The following RIMS2 variants were observed in gnomAD, a reference collection of about 807,000 sequenced individuals.
RIMS2 encodes regulating synaptic membrane exocytosis protein 2.
RIMS2 carries 59 observed loss-of-function variants against 174.4 expected under a neutral mutation model. The ratio of observed to expected loss-of-function variants is 0.34; its 90% CI spans 0.27 to 0.42. The LOEUF is 0.42. Ranked by LOEUF, RIMS2 falls within the 10% of genes least tolerant of loss-of-function variation. The probability of loss-of-function intolerance (pLI) is 1.00; values close to 1 mark genes in which losing one functional copy is unlikely to be tolerated. For missense variants in RIMS2, 1,620 were observed against 1,666.3 expected, an observed-to-expected ratio of 0.97 and a Z score of 0.48; for synonymous variants, 606 against 572.5, an observed-to-expected ratio of 1.06 and a Z score of -0.84.
chr8:104,121,150 G>A (rs1290867809), intron 19 of RIMS2, among the ~76,000 whole-genome samples: 3 of 151,864 alleles, frequency 2.0e-5, no homozygotes, highest in Non-Finnish European at 4.4e-5. Flanking sequence ...TGGAGGACAT[G>A]GACATTTAAA....
intron 1 of RIMS2, among the ~76,000 whole-genome samples, chr8:103,536,535 G>C (rs1292034701): frequency 1.3e-5 from 2 of 152,188 alleles, no homozygotes; most frequent in Non-Finnish European, 1.5e-5. Flanking sequence ...AGGCTGTACA[G>C]GAAGCATGAT....
At chr8:103,643,559 G>A (rs1321443663) in intron 1 of RIMS2, among the ~76,000 whole-genome samples, 2 of 152,090 alleles carry the variant, frequency 1.3e-5, no homozygotes, top group Admixed American at 1.3e-4. Flanking sequence ...GAGTTAGACT[G>A]TGTTTACTGT....
Position 104,251,600 on chromosome 8 carries a change from A to C in RIMS2, c.3832-2A>C. The C allele has an allele frequency of 6.4e-7, 1 of 1,562,666 alleles. No homozygotes were observed. The highest frequency in any genetic ancestry group is 8.8e-7 in the Non-Finnish European group (1 of 1,133,194). Reference sequence around the variant, plus strand: ...TCACTCTACTTTTTATTTTGCCAACAGATCATCGTCTGGGGAGATTATGGC... The same window carrying C: ...TCACTCTACTTTTTATTTTGCCAACCGATCATCGTCTGGGGAGATTATGGC... On this transcript the variant is annotated splice_acceptor_variant, in intron 23 of 23. Coordinates refer to ENST00000504942, the Ensembl canonical transcript of RIMS2. LOFTEE classifies it high-confidence loss of function.
At chr8:104,087,453 T>G (rs1391753559) in intron 19 of RIMS2, among the ~76,000 whole-genome samples, 1 of 151,990 alleles carries the variant, frequency 6.6e-6, no homozygotes, top group Admixed American at 6.6e-5. Context: ...AATAAAGGCA[T>G]GAGTAAAGTA....
intron 1 of RIMS2, among the ~76,000 whole-genome samples, chr8:103,617,991 A>G (rs1264276030): frequency 1.3e-5 from 2 of 152,214 alleles, no homozygotes; most frequent in South Asian, 2.1e-4. Context: ...TGACCCAGCA[A>G]TCCCATAGGA....
chr8:103,553,502 C>A (rs529563849), intron 1 of RIMS2, among the ~76,000 whole-genome samples: 2 of 151,804 alleles, frequency 1.3e-5, no homozygotes, highest in Non-Finnish European at 1.5e-5. Flanking sequence ...ATGTAAATGA[C>A]GAGTTAATGG....
chr8:103,876,899 T>C (rs1264856299), intron 3 of RIMS2, among the ~76,000 whole-genome samples: 8 of 62,278 alleles, frequency 1.3e-4, no homozygotes, highest in African/African-American at 4.5e-4. Context: ...TATATATATA[T>C]ATATATATAT....
chr8:103,853,430 C>T (rs367799056), intron 3 of RIMS2, among the ~76,000 whole-genome samples: 86 of 152,002 alleles, frequency 5.7e-4, no homozygotes, highest in African/African-American at 1.9e-3. Flanking sequence ...TGCAATTGCT[C>T]TTGGGGATTT....
intron 19 of RIMS2, among the ~76,000 whole-genome samples, chr8:104,112,719 T>C (rs562792960): frequency 1.3e-5 from 2 of 152,292 alleles, no homozygotes; most frequent in South Asian, 4.1e-4. Flanking sequence ...ACTGAAATTT[T>C]AGGTTCATGG....
chr8:104,014,381 C>A (rs1043576166), intron 18 of RIMS2, 125 bp from the exon 21 acceptor site: 8 of 537,800 alleles, frequency 1.5e-5, no homozygotes, highest in African/African-American at 9.4e-5. Flanking sequence ...GTTTTCCTAA[C>A]CTTTTAATCT....
chr8:103,875,772 A>G (rs1032954297), intron 3 of RIMS2, among the ~76,000 whole-genome samples: 17 of 151,748 alleles, frequency 1.1e-4, no homozygotes, highest in Non-Finnish European at 2.1e-4. Context: ...GCCAACATCT[A>G]TTGTTTTCTG....
At chr8:103,829,205 C>G (rs537591985) in intron 3 of RIMS2, among the ~76,000 whole-genome samples, 4 of 151,528 alleles carry the variant, frequency 2.6e-5, no homozygotes, top group Non-Finnish European at 5.9e-5. Flanking sequence ...CCATCTCACA[C>G]CAGTCAGAAT....
At chr8:103,581,791 A>G (rs1258393345) in intron 1 of RIMS2, among the ~76,000 whole-genome samples, 1 of 152,184 alleles carries the variant, frequency 6.6e-6, no homozygotes, top group East Asian at 1.9e-4. Context: ...CCATAAGGAT[A>G]CCTCACCACC....
At chr8:103,966,157 G>A (rs539199795) in intron 15 of RIMS2, among the ~76,000 whole-genome samples, 3 of 152,196 alleles carry the variant, frequency 2.0e-5, no homozygotes, top group African/African-American at 7.2e-5. Context: ...ATGAGTTAGA[G>A]AGTAGTCTCT....
chr8:103,955,968 T>C (rs557066481), intron 14 of RIMS2, among the ~76,000 whole-genome samples: 1 of 151,898 alleles, frequency 6.6e-6, no homozygotes, highest in East Asian at 1.9e-4. Flanking sequence ...CAGACAAACA[T>C]AGAGCCAAAT....
intron 3 of RIMS2, among the ~76,000 whole-genome samples, chr8:103,859,226 C>G (rs148977460): frequency 7.8e-4 from 118 of 152,246 alleles, no homozygotes; most frequent in African/African-American, 2.7e-3. Flanking sequence ...TTACCTTCAG[C>G]TCTTAAACCC....
intron 1 of RIMS2, among the ~76,000 whole-genome samples, chr8:103,657,573 A>G (rs946947828): frequency 6.6e-6 from 1 of 152,244 alleles, no homozygotes; most frequent in Non-Finnish European, 1.5e-5. Flanking sequence ...CCTGTCAACA[A>G]AATTTTTCTG....
At chr8:104,191,794 G>A (rs181075826) in intron 19 of RIMS2, among the ~76,000 whole-genome samples, 4 of 152,046 alleles carry the variant, frequency 2.6e-5, no homozygotes, top group East Asian at 3.9e-4. Flanking sequence ...TTTTTAAGAC[G>A]GGGTCTCACT....
chr8:104,052,884 T>C (rs2154559079), intron 19 of RIMS2, among the ~76,000 whole-genome samples: 1 of 152,074 alleles, frequency 6.6e-6, no homozygotes, highest in East Asian at 1.9e-4. Context: ...TAGCAACACT[T>C]TGGGAAATGC....
Sources: gnomAD v4.1 joint callset for allele counts (sites outside exome capture counted in the v4.1 genomes callset) on GRCh38, gnomAD v4.1.1 for gene constraint, MANE v1.5 for transcripts, NCBI Gene and HGNC (gene_info 2026-07-23, HGNC 2026-07-21) for gene names.